Variants in JAK2 observed in about 807,000 individuals in gnomAD.
JAK2 encodes Janus kinase 2.
JAK2 carries 86 observed loss-of-function variants against 139.3 expected under a neutral mutation model. That is an observed-to-expected ratio of 0.62 (90% CI 0.52 to 0.74). The LOEUF (loss-of-function observed/expected upper bound fraction) is 0.74, where lower values mean the gene tolerates loss of function less well. JAK2 is among the 30% of genes least tolerant of loss of function. JAK2 has a pLI of 0.00. For missense variants in JAK2, 1,421 were observed against 1,360.3 expected (o/e 1.04, Z -0.70); for synonymous variants, 490 against 437.7 (o/e 1.12, Z -1.49).
intron 22 of JAK2, chr9:5,109,234 C>T (rs1429700205): frequency 6.6e-6 from 1 of 152,154 alleles, no homozygotes; most frequent in Non-Finnish European, 1.5e-5. Flanking sequence ...AATATTTATA[C>T]ATGTTACACC....
intron 22 of JAK2, chr9:5,097,474 G>C (rs1359315538): frequency 2.0e-5 from 3 of 152,178 alleles, no homozygotes; most frequent in Non-Finnish European, 2.9e-5. Flanking sequence ...TATGGGCATA[G>C]TATGAGCCAT....
chr9:5,081,966 T>G (rs1286841010), intron 19 of JAK2, 105 bp downstream of exon 19: 1 of 952,412 alleles, frequency 1.0e-6, no homozygotes, highest in Non-Finnish European at 1.6e-6. Flanking sequence ...GGAGTGCTTG[T>G]AGAAAAAAAA....
At chr9:5,112,537 G>C (rs893952194) in intron 22 of JAK2, 3 of 598,294 alleles carry the variant, frequency 5.0e-6, no homozygotes, top group Admixed American at 2.6e-5. Flanking sequence ...GGCCGAGTGG[G>C]AGAAGCAGGT....
chr9:4,992,295 G>C (rs752808533), intron 2 of JAK2, among the ~76,000 whole-genome samples: 18 of 152,138 alleles, frequency 1.2e-4, no homozygotes, highest in Non-Finnish European at 2.5e-4. Flanking sequence ...GGTGAGTAGA[G>C]AATTAAAAGT....
rs374370951 is a variant in JAK2, at chr9:5,069,972, C to T, written c.1561C>T (p.Pro521Ser). ...CAGAACGAATGGTGTTTCTGATGTA[C>T]CAACCTCACCAACATTACAGAGGCC... ...VFRTNGVSDV[P>S]TSPTLQRPTH... The change falls in exon 12 of 25, where the codon CCA (proline) becomes TCA (serine). Residue 521 changes from proline to serine, a missense_variant. Transcript: ENST00000381652. 3 of 1,605,924 alleles carry T rather than the reference C, an allele frequency of 1.9e-6. No homozygotes were observed. Among genetic ancestry groups the T allele is most frequent in the Admixed American group, 1.7e-5 (1 of 59,664 alleles).
At chr9:5,041,094 G>T in intron 4 of JAK2, 1 of 720,716 alleles carries the variant, frequency 1.4e-6, no homozygotes, top group Non-Finnish European at 2.4e-6. Flanking sequence ...ACAGCCTGGA[G>T]GACCTGTTCG....
chr9:5,017,986 C>G (rs1399958614), intron 2 of JAK2, among the ~76,000 whole-genome samples: 1 of 152,122 alleles, frequency 6.6e-6, no homozygotes, highest in African/African-American at 2.4e-5. Context: ...CTATGTGTAT[C>G]TTTAAAGGTG....
In JAK2 at chr9:4,997,532, C is replaced by A. The variant is rs140717870; in HGVS notation, c.-26+11510C>A. Among the ~76,000 whole-genome samples the A allele has an allele frequency of 4.6e-4, 70 of 152,256 alleles. 1 individual carries two copies. The highest frequency in any genetic ancestry group is 1.6e-3 in the African/African-American group (68 of 41,536). ...CAGCACCAAGGGGGATGTTGCTAAA[C>A]CATTCATGAGAAATCCACCCCCATG... On this transcript the variant is annotated intron_variant, in intron 2 of 24. Coordinates refer to ENST00000381652, the MANE Select transcript of JAK2 (RefSeq NM_004972.4).
intron 2 of JAK2, 69 bp from the exon 3 acceptor site, chr9:5,021,894 A>G (rs1822455233): frequency 2.3e-6 from 2 of 884,828 alleles, no homozygotes; most frequent in Non-Finnish European, 1.8e-6. Flanking sequence ...CGGCCCCGCA[A>G]AGTGCTAGGA....
At chr9:4,993,111 A>C (rs892169927) in intron 2 of JAK2, among the ~76,000 whole-genome samples, 2 of 151,982 alleles carry the variant, frequency 1.3e-5, no homozygotes, top group African/African-American at 2.4e-5. Flanking sequence ...TCCTTTAAAA[A>C]CTTTGTGGAC....
At chr9:5,051,715 G>C (rs571599549) in intron 6 of JAK2, among the ~76,000 whole-genome samples, 2 of 152,232 alleles carry the variant, frequency 1.3e-5, no homozygotes, top group South Asian at 4.1e-4. Flanking sequence ...AAAAATTTGA[G>C]TACATCATGA....
At chr9:5,039,767 A>C (rs1816347663) in intron 4 of JAK2, among the ~76,000 whole-genome samples, 1 of 151,892 alleles carries the variant, frequency 6.6e-6, no homozygotes, top group African/African-American at 2.4e-5. Flanking sequence ...ATAAACTTAA[A>C]GAAGTGTAAA....
intron 4 of JAK2, among the ~76,000 whole-genome samples, chr9:5,035,095 C>G (rs948941500): frequency 6.6e-6 from 1 of 152,178 alleles, no homozygotes; most frequent in Non-Finnish European, 1.5e-5. Context: ...TCAGAGAATA[C>G]TATAAACACC....
At chr9:5,093,772 G>C (rs1820765955) in intron 22 of JAK2, among the ~76,000 whole-genome samples, 1 of 152,050 alleles carries the variant, frequency 6.6e-6, no homozygotes, top group African/African-American at 2.4e-5. Flanking sequence ...TCAATAATAG[G>C]GTTTACGACC....
chr9:5,077,190 G>C (rs1402967099), intron 14 of JAK2, among the ~76,000 whole-genome samples: 1 of 150,402 alleles, frequency 6.6e-6, no homozygotes, highest in African/African-American at 2.4e-5. Context: ...ATATATAAAG[G>C]TGTGCTGGTA....
intron 2 of JAK2, among the ~76,000 whole-genome samples, chr9:4,999,250 A>G (rs529797442): frequency 6.6e-6 from 1 of 152,308 alleles, no homozygotes; most frequent in South Asian, 2.1e-4. Flanking sequence ...TCTAAAGCCT[A>G]AAAGTTGAAT....
intron 22 of JAK2, among the ~76,000 whole-genome samples, chr9:5,092,285 G>A (rs1291078271): frequency 1.3e-5 from 2 of 152,036 alleles, no homozygotes; most frequent in Non-Finnish European, 2.9e-5. Flanking sequence ...CACGAAGCAC[G>A]CACACACTGC....
At chr9:5,046,340 T>C (rs1035566222) in intron 5 of JAK2, among the ~76,000 whole-genome samples, 2 of 152,198 alleles carry the variant, frequency 1.3e-5, no homozygotes, top group African/African-American at 4.8e-5. Flanking sequence ...TGTAGATAGT[T>C]TTTCCCATTC....
Position 5,126,838 on chromosome 9 carries a change from GT to G in JAK2, c.*51del. 1 of 1,170,110 alleles carries G rather than the reference GT, an allele frequency of 8.5e-7. No homozygotes were observed. The highest frequency in any genetic ancestry group is 1.3e-6 in the Non-Finnish European group (1 of 791,750). 72.5% of individuals were successfully genotyped at this position (1,170,110 alleles called of 1,614,324 possible). A position where few individuals can be genotyped will look rare whatever the true frequency, so the allele number is the denominator to read the frequency against. On this transcript the variant is annotated 3_prime_UTR_variant, in exon 25 of 25. Coordinates refer to ENST00000381652, the MANE Select transcript of JAK2 (RefSeq NM_004972.4). ...GACCAAAGTAGATTTACAGAACAAA[GT>G]TTTATATTTCACATTGCTGTGGACT...
Sources: allele counts gnomAD v4.1 joint callset (sites outside exome capture counted in the v4.1 genomes callset), GRCh38; gene constraint gnomAD v4.1.1; transcripts MANE v1.5; gene names NCBI Gene and HGNC (gene_info 2026-07-23, HGNC 2026-07-21).